The following ANKRD30B variants were observed in gnomAD, a reference collection of about 807,000 sequenced individuals.
ANKRD30B encodes ankyrin repeat domain-containing protein 30B.
ANKRD30B carries 144 observed loss-of-function variants against 202.2 expected under a neutral mutation model. That is an observed-to-expected ratio of 0.71 (90% CI 0.62 to 0.82). The LOEUF (loss-of-function observed/expected upper bound fraction) is 0.82, where lower values mean the gene tolerates loss of function less well. Ranked by LOEUF, ANKRD30B falls within the 40% of genes least tolerant of loss-of-function variation. ANKRD30B has a pLI of 0.00. For synonymous variants in ANKRD30B, 508 were observed against 561.3 expected (o/e 0.91, Z 1.34); for missense variants, 1,487 against 1,669.1 (o/e 0.89, Z 1.90).
the ANKRD30B span, among the ~76,000 whole-genome samples, chr18:14,864,078 C>T: frequency 6.6e-6 from 1 of 152,186 alleles, no homozygotes; most frequent in African/African-American, 2.4e-5. Context: ...TGCGGTGGCT[C>T]AAACCTGTAA....
At chr18:14,768,753 C>G (rs1048304089) in intron 7 of ANKRD30B, among the ~76,000 whole-genome samples, 1 of 152,174 alleles carries the variant, frequency 6.6e-6, no homozygotes, top group African/African-American at 2.4e-5. Flanking sequence ...GTACTCTGCT[C>G]TAACTGCTCT....
At chr18:14,924,691 C>G in the ANKRD30B span, among the ~76,000 whole-genome samples, 1 of 152,248 alleles carries the variant, frequency 6.6e-6, no homozygotes, top group African/African-American at 2.4e-5. Context: ...AGATCACAAC[C>G]AAACTGAAAT....
chr18:14,788,931 A>G (rs1349972440), intron 15 of ANKRD30B, among the ~76,000 whole-genome samples: 2 of 152,186 alleles, frequency 1.3e-5, no homozygotes, highest in East Asian at 3.9e-4. Context: ...GACTGGGTCA[A>G]ATGCTATTTC....
At chr18:14,830,157 A>AGAATATT (rs1292551277) in intron 33 of ANKRD30B, 1 of 154,734 alleles carries the variant, frequency 6.5e-6, no homozygotes, top group Non-Finnish European at 1.5e-5. Flanking sequence ...GGAGACTGCC[A>AGAATATT]TGAAGCTCTG....
chr18:14,848,672 C>T, intron 39 of ANKRD30B, 44 bp from the exon 40 acceptor site: 2 of 1,368,478 alleles, frequency 1.5e-6, no homozygotes, highest in South Asian at 1.6e-5. Flanking sequence ...CTTTATATCC[C>T]AAAAGTACTA....
intron 20 of ANKRD30B, among the ~76,000 whole-genome samples, chr18:14,798,658 T>A (rs914939715): frequency 6.6e-6 from 1 of 152,014 alleles, no homozygotes; most frequent in Non-Finnish European, 1.5e-5. Context: ...CCTCCGTGCG[T>A]CCATTTATAG....
the ANKRD30B span, among the ~76,000 whole-genome samples, chr18:14,883,367 CTG>C: frequency 0.1 from 6,554 of 65,418 alleles, 206 homozygotes; most frequent in Non-Finnish European, 0.13. Context: ...CTCTGTCTGT[CTG>C]TCTCTCTCTC....
chr18:14,911,796 C>A, the ANKRD30B span, among the ~76,000 whole-genome samples: 1 of 152,078 alleles, frequency 6.6e-6, no homozygotes, highest in South Asian at 2.1e-4. Context: ...ATCAATATTT[C>A]TTTCATCAGT....
chr18:14,926,073 C>T, the ANKRD30B span, among the ~76,000 whole-genome samples: 1 of 152,256 alleles, frequency 6.6e-6, no homozygotes, highest in East Asian at 1.9e-4. Context: ...AATTGCATTC[C>T]TCATGCCTAC....
the ANKRD30B span, among the ~76,000 whole-genome samples, chr18:14,917,357 T>C: frequency 6.6e-6 from 1 of 152,168 alleles, no homozygotes; most frequent in Non-Finnish European, 1.5e-5. Context: ...CACTGTGTGT[T>C]CCCTCTGTTA....
At chr18:14,880,091 C>T in the ANKRD30B span, among the ~76,000 whole-genome samples, 3 of 152,076 alleles carry the variant, frequency 2.0e-5, no homozygotes, top group African/African-American at 7.2e-5. Context: ...TTTTATTCCC[C>T]TACATGTGGC....
chr18:14,805,124 A>G (rs564735207), intron 24 of ANKRD30B, among the ~76,000 whole-genome samples: 3 of 150,806 alleles, frequency 2.0e-5, no homozygotes, highest in Admixed American at 6.6e-5. Flanking sequence ...ACATACTAGA[A>G]TGTAAGAACC....
At chr18:14,836,859 A>G (rs552137919) in intron 34 of ANKRD30B, among the ~76,000 whole-genome samples, 2 of 151,996 alleles carry the variant, frequency 1.3e-5, no homozygotes, top group East Asian at 3.9e-4. Context: ...CCTTCCCAAT[A>G]TGGCCCCATT....
chr18:14,803,553 G>T, intron 23 of ANKRD30B, 181 bp from the exon 24 acceptor site: 3 of 625,856 alleles, frequency 4.8e-6, no homozygotes, highest in South Asian at 4.6e-5. Context: ...TTGATGTGGA[G>T]AGTGTTATGT....
chr18:14,934,908 CCACACACACACACACACACA>C, the ANKRD30B span, among the ~76,000 whole-genome samples: 1 of 134,686 alleles, frequency 7.4e-6, no homozygotes, highest in South Asian at 2.5e-4. Flanking sequence ...CCTCCCTCTA[CCACACACACACACACACACA>C]CACACACACA....
downstream of ANKRD30B, among the ~76,000 whole-genome samples, chr18:14,855,730 C>T (rs1308926495): frequency 6.7e-6 from 1 of 150,088 alleles, no homozygotes; most frequent in Non-Finnish European, 1.5e-5. Context: ...AGGTGCTCCT[C>T]ACCTACCAAG....
Position 14,828,441 on chromosome 18 carries a change from T to G in ANKRD30B, c.2774+133T>G, listed in dbSNP as rs1166571103. 5 of 648,252 alleles carry G rather than the reference T, an allele frequency of 7.7e-6. No individual in the cohort carries two copies. In the African/African-American group the frequency reaches 9.5e-5, roughly 12 times the overall value. The allele number at this position is 648,252 out of a possible 1,614,324, so 40.2% of individuals were successfully genotyped here. A position where few individuals can be genotyped will look rare whatever the true frequency, so the allele number is the denominator to read the frequency against. On this transcript the variant is annotated intron_variant, in intron 33 of 43. Coordinates refer to ENST00000690538, the MANE Select transcript of ANKRD30B (RefSeq NM_001367607.2). The stretch of plus-strand genomic sequence containing the variant: ...GCTTAATATTTATCATCTCACATAG[T>G]CATCACACAGCTTTGCAAAGCATCT...
At position 14,748,372 on chromosome 18, in the gene ANKRD30B, GA is replaced by G; in HGVS notation, c.-46del. 5.0e-6 allele frequency: 7 copies of G among 1,406,068 alleles called. No individual in the cohort carries two copies. Among genetic ancestry groups the G allele is most frequent in the Non-Finnish European group, 6.6e-6 (7 of 1,068,354 alleles). The allele number at this position is 1,406,068 out of a possible 1,614,324, so 87.1% of individuals were successfully genotyped here. On this transcript the variant is annotated 5_prime_UTR_variant, in exon 1 of 44. Coordinates refer to ENST00000690538, the MANE Select transcript of ANKRD30B (RefSeq NM_001367607.2). ...GCGAGGGCGAGGGGTAGGGGCTGGG[GA>G]AGGGCGAGCGGGAGGCGCGGGCTCT...
In ANKRD30B at chr18:14,836,286, G is replaced by T. The variant is rs1568062329; in HGVS notation, c.2848-925G>T. On this transcript the variant is annotated intron_variant, in intron 34 of 43. Transcript: ENST00000690538. ...TTTTATTTTTTTCTGACTCTTTTCT[G>T]ACTCTTTGTAATCTACTCTGTCATC... Among the ~76,000 whole-genome samples the T allele has an allele frequency of 2.0e-5, 3 of 151,854 alleles. No homozygotes were observed. In the East Asian group the frequency reaches 5.8e-4, roughly 29 times the overall value.
Sources: gnomAD v4.1 joint callset for allele counts (sites outside exome capture counted in the v4.1 genomes callset) on GRCh38, gnomAD v4.1.1 for gene constraint, MANE v1.5 for transcripts, NCBI Gene and HGNC (gene_info 2026-07-23, HGNC 2026-07-21) for gene names.